PCSK5: variants seen among roughly 807,000 people sequenced by gnomAD.
The protein encoded by PCSK5 is proprotein convertase subtilisin/kexin type 5.
A neutral mutation model predicts 233.2 loss-of-function variants in PCSK5; 129 were observed. The observed-to-expected ratio is 0.55, with a 90% CI of 0.48 to 0.64. The LOEUF (loss-of-function observed/expected upper bound fraction) is 0.64. Among genes scored for constraint, PCSK5 ranks in the 30% least tolerant of loss-of-function variants. PCSK5 has a pLI of 0.00. For synonymous variants in PCSK5, 825 were observed against 879.2 expected (o/e 0.94, Z 1.09); for missense variants, 2,076 against 2,430.1 (o/e 0.85, Z 3.06).
At chr9:75,977,812 A>G (rs899263853) in intron 2 of PCSK5, among the ~76,000 whole-genome samples, 3 of 151,758 alleles carry the variant, frequency 2.0e-5, no homozygotes, top group Middle Eastern at 3.2e-3. Flanking sequence ...GGGTTTTGCC[A>G]TGTTGGCCAG....
chr9:76,226,983 G>A (rs1290212291), intron 20 of PCSK5, among the ~76,000 whole-genome samples: 1 of 152,210 alleles, frequency 6.6e-6, no homozygotes, highest in Non-Finnish European at 1.5e-5. Flanking sequence ...CTTTCAGAGT[G>A]AGATGTAGCT....
chr9:76,148,350 T>C, intron 10 of PCSK5, among the ~76,000 whole-genome samples: 1 of 13,888 alleles, frequency 7.2e-5, no homozygotes, highest in East Asian at 0.011. Flanking sequence ...AGTTTCTCTC[T>C]CCCTCTCTCT....
At chr9:76,135,932 G>C (rs1019174342) in intron 10 of PCSK5, among the ~76,000 whole-genome samples, 1 of 152,036 alleles carries the variant, frequency 6.6e-6, no homozygotes, top group Non-Finnish European at 1.5e-5. Context: ...AACCTCTGTT[G>C]GTTTAGGAGA....
chr9:76,310,952 AC>A, intron 30 of PCSK5, 101 bp downstream of exon 30: 2 of 766,174 alleles, frequency 2.6e-6, no homozygotes, highest in Non-Finnish European at 4.0e-6. Context: ...TCTCTGCTCT[AC>A]GAGCACCCAC....
Position 76,318,062 on chromosome 9 carries a change from A to G in PCSK5, c.3885-3360A>G, listed in dbSNP as rs113962041. On this transcript the variant is annotated intron_variant, in intron 30 of 37. Coordinates refer to ENST00000674117, the MANE Select transcript of PCSK5 (RefSeq NM_001372043.1). ...TAGGTACCTATGACATCAGAAGTCC[A>G]TTTTCTCTAAGCCGGCTTATGGTTC... is the stretch of plus-strand genomic sequence containing the variant. Among the ~76,000 whole-genome samples the G allele has an allele frequency of 5.8e-3, 878 of 152,206 alleles. 12 individuals are homozygous for G. Among genetic ancestry groups the G allele is most frequent in the African/African-American group, 0.02 (833 of 41,532 alleles).
intron 30 of PCSK5, among the ~76,000 whole-genome samples, chr9:76,315,928 GTTTTTT>G (rs71499141): frequency 1.1e-5 from 1 of 91,808 alleles, no homozygotes; most frequent in African/African-American, 3.9e-5. Context: ...CACTTCAAGG[GTTTTTT>G]TTTTTTTTTT....
intron 8 of PCSK5, among the ~76,000 whole-genome samples, chr9:76,105,206 G>A (rs71509853): frequency 8.5e-5 from 13 of 152,200 alleles, no homozygotes; most frequent in Admixed American, 1.3e-4. Flanking sequence ...GCCTTATAAA[G>A]TAAAGAAATC....
intron 9 of PCSK5, among the ~76,000 whole-genome samples, chr9:76,115,182 C>T (rs925204144): frequency 2.6e-4 from 39 of 152,004 alleles, no homozygotes; most frequent in African/African-American, 9.2e-4. Context: ...TCCAGTTGTA[C>T]AAGAAAGTCT....
chr9:76,276,685 C>A lies in PCSK5; in HGVS notation c.3143-15548C>A, dbSNP rs1193157456. On this transcript the variant is annotated intron_variant, in intron 24 of 37. Coordinates refer to ENST00000674117, the MANE Select transcript of PCSK5 (RefSeq NM_001372043.1). ...TCTTGCAAGACACGGCCTCACTAGCCCATCTAAATTAGGGCCTCTCCTCTC... is the reference window on the plus strand; with the variant it reads ...TCTTGCAAGACACGGCCTCACTAGCACATCTAAATTAGGGCCTCTCCTCTC... Among the ~76,000 whole-genome samples, 9 of 152,260 alleles carry A rather than the reference C, an allele frequency of 5.9e-5. No individual in the cohort carries two copies. In the South Asian group the frequency reaches 1.2e-3, roughly 21 times the overall value.
intron 1 of PCSK5, among the ~76,000 whole-genome samples, chr9:75,923,057 C>T (rs1823323225): frequency 6.6e-6 from 1 of 152,062 alleles, no homozygotes; most frequent in Non-Finnish European, 1.5e-5. Flanking sequence ...TTAGTGTACC[C>T]ATAGAATTGA....
intron 19 of PCSK5, 61 bp from the exon 20 acceptor site, chr9:76,189,570 T>TAAAC (rs1389564389): frequency 3.0e-6 from 3 of 1,012,470 alleles, no homozygotes; most frequent in Non-Finnish European, 4.7e-6. Context: ...AGGTTGCTAG[T>TAAAC]AAACACACCT....
At chr9:76,275,891 G>A (rs77364917) in intron 24 of PCSK5, among the ~76,000 whole-genome samples, 93 of 152,160 alleles carry the variant, frequency 6.1e-4, no homozygotes, top group Admixed American at 1.3e-3. Context: ...CTGTCCCTTC[G>A]CCAATTTGCA....
intron 3 of PCSK5, among the ~76,000 whole-genome samples, chr9:76,009,300 A>G (rs912954863): frequency 1.3e-5 from 2 of 151,948 alleles, no homozygotes; most frequent in East Asian, 1.9e-4. Flanking sequence ...TTTTTTTTTC[A>G]AGTTAAATGA....
chr9:76,224,970 T>A (rs897989588), intron 20 of PCSK5, among the ~76,000 whole-genome samples: 5 of 152,210 alleles, frequency 3.3e-5, no homozygotes, highest in Non-Finnish European at 7.3e-5. Context: ...CAGAGCAAGG[T>A]GTTTTAGTTT....
At chr9:75,993,456 CT>C (rs1327150328) in intron 3 of PCSK5, among the ~76,000 whole-genome samples, 1 of 152,164 alleles carries the variant, frequency 6.6e-6, no homozygotes, top group Admixed American at 6.5e-5. Flanking sequence ...GCTAGTTGTA[CT>C]GAATATTGAG....
At chr9:75,924,545 T>A (rs753186982) in intron 1 of PCSK5, among the ~76,000 whole-genome samples, 37 of 152,120 alleles carry the variant, frequency 2.4e-4, no homozygotes, top group Non-Finnish European at 3.5e-4. Flanking sequence ...GAAACACTAA[T>A]GTAAGTTCTC....
At chr9:76,084,611 T>C (rs1260136304) in intron 7 of PCSK5, among the ~76,000 whole-genome samples, 1 of 152,154 alleles carries the variant, frequency 6.6e-6, no homozygotes, top group Non-Finnish European at 1.5e-5. Context: ...TCTAGTATGG[T>C]ATAGTATGGG....
intron 3 of PCSK5, among the ~76,000 whole-genome samples, chr9:75,987,059 C>G (rs1359237978): frequency 6.6e-6 from 1 of 152,172 alleles, no homozygotes; most frequent in African/African-American, 2.4e-5. Context: ...ATTCACTATA[C>G]TACTTTAGTT....
chr9:76,325,578 AC>A (rs1452565585), intron 32 of PCSK5, among the ~76,000 whole-genome samples: 2 of 152,140 alleles, frequency 1.3e-5, no homozygotes, highest in African/African-American at 4.8e-5. Context: ...GCTCAATGTG[AC>A]CCCACTAGTG....
Sources: gnomAD v4.1 joint callset for allele counts (sites outside exome capture counted in the v4.1 genomes callset) on GRCh38, gnomAD v4.1.1 for gene constraint, MANE v1.5 for transcripts, NCBI Gene and HGNC (gene_info 2026-07-23, HGNC 2026-07-21) for gene names.